ABCA10: variants seen among roughly 807,000 people sequenced by gnomAD.
ABCA10 encodes the protein ATP-binding cassette sub-family A member 10.
In ABCA10, 169 loss-of-function variants were observed where a neutral mutation model predicts 187.5. That is an observed-to-expected ratio of 0.90 (90% CI 0.80 to 1.02). The LOEUF is 1.02. Ranked by LOEUF, ABCA10 falls within the 50% of genes least tolerant of loss-of-function variation. The pLI, the probability that ABCA10 is intolerant of heterozygous loss-of-function variation, is 0.00. For synonymous variants in ABCA10, 574 were observed against 601.8 expected, an observed-to-expected ratio of 0.95 and a Z score of 0.68; for missense variants, 1,727 against 1,812.4, an observed-to-expected ratio of 0.95 and a Z score of 0.86.
chr17:69,152,568 A>C lies in ABCA10; in HGVS notation c.4137-87T>G, dbSNP rs2074138175. The stretch of plus-strand genomic sequence containing the variant: ...AAAAAAGCAGGAAATCTAAAGAGAA[A>C]ATGTTATGTTAGGATGCAAGAAACC... On this transcript the variant is annotated intron_variant, in intron 34 of 38. Coordinates refer to ENST00000690296, the MANE Select transcript of ABCA10 (RefSeq NM_001377321.1). 1.7e-5 allele frequency: 26 copies of C among 1,514,872 alleles called. No individual in the cohort carries two copies. The South Asian group carries it at 2.7e-4, about 16-fold the overall frequency. 93.8% of individuals were successfully genotyped at this position (1,514,872 alleles called of 1,614,324 possible). A position where few individuals can be genotyped will look rare whatever the true frequency, so the allele number is the denominator to read the frequency against.
intron 19 of ABCA10, 85 bp from the exon 20 acceptor site, chr17:69,185,728 T>C: frequency 8.9e-7 from 1 of 1,126,370 alleles, no homozygotes; most frequent in Non-Finnish European, 1.3e-6. Flanking sequence ...AAGTGCTAAC[T>C]ATGGAAAGTC....
At chr17:69,204,234 CCAAA>C (rs572507538) in intron 9 of ABCA10, among the ~76,000 whole-genome samples, 47 of 152,302 alleles carry the variant, frequency 3.1e-4, no homozygotes, top group Middle Eastern at 6.8e-3. Context: ...ACCAGCTCTG[CCAAA>C]CAATTTTTAA....
Position 69,149,981 on chromosome 17 carries a change from T to G in ABCA10, c.4477+3A>C. ...AGTCTTATTTATATATACCCAAACT[T>G]ACTCGCCTCTAACTTGAAAAAGGCC... On this transcript the variant is annotated splice_donor_region_variant and intron_variant, in intron 37 of 38. Coordinates refer to ENST00000690296, the MANE Select transcript of ABCA10 (RefSeq NM_001377321.1). The G allele has an allele frequency of 6.2e-7, 1 of 1,603,806 alleles. No homozygotes were observed. Among genetic ancestry groups the G allele is most frequent in the African/African-American group, 1.3e-5 (1 of 74,730 alleles).
At chr17:69,224,665 G>T (rs2074778900) in intron 3 of ABCA10, among the ~76,000 whole-genome samples, 1 of 140,230 alleles carries the variant, frequency 7.1e-6, no homozygotes, top group Non-Finnish European at 1.5e-5. Flanking sequence ...TCTGAGTCCA[G>T]ATATGCAGAA....
intron 36 of ABCA10, chr17:69,150,375 A>T (rs1411431503): frequency 4.9e-6 from 1 of 204,676 alleles, no homozygotes; most frequent in Non-Finnish European, 9.9e-6. Flanking sequence ...CCTTTCTAGA[A>T]TGTTTACATT....
chr17:69,209,926 T>A (rs2074625436), intron 9 of ABCA10, among the ~76,000 whole-genome samples: 1 of 152,020 alleles, frequency 6.6e-6, no homozygotes, highest in South Asian at 2.1e-4. Flanking sequence ...GGGATTATGA[T>A]CTTCTGTGAC....
chr17:69,158,031 T>C (rs995414292), intron 27 of ABCA10, among the ~76,000 whole-genome samples: 1 of 152,054 alleles, frequency 6.6e-6, no homozygotes, highest in Non-Finnish European at 1.5e-5. Flanking sequence ...AGATTCCAGA[T>C]TCATTCTTGA....
intron 9 of ABCA10, among the ~76,000 whole-genome samples, chr17:69,206,509 A>G (rs550381713): frequency 6.6e-6 from 1 of 152,334 alleles, no homozygotes; most frequent in African/African-American, 2.4e-5. Context: ...CAGAAAGGAC[A>G]GTTTTACAAT....
At chr17:69,211,143 A>C (rs1480528198) in intron 9 of ABCA10, among the ~76,000 whole-genome samples, 1 of 151,016 alleles carries the variant, frequency 6.6e-6, no homozygotes, top group Admixed American at 6.6e-5. Flanking sequence ...CACCCAGAGG[A>C]AAAGAAATCA....
At position 69,152,530 on chromosome 17, in the gene ABCA10, AATAG is replaced by A. The variant is rs760186070; in HGVS notation, c.4137-53_4137-50del. ...TTGCATTTAGAAAGTAATTTGGGGA[AATAG>A]ATAAATAGAAAAAAGCAGGAAATCT... On this transcript the variant is annotated intron_variant, in intron 34 of 38. Transcript: ENST00000690296. 5 of 1,558,578 alleles carry A rather than the reference AATAG, an allele frequency of 3.2e-6. No homozygotes were observed. The South Asian group carries it at 3.7e-5, about 11-fold the overall frequency.
chr17:69,150,591 C>T (rs721813), intron 36 of ABCA10: 83,412 of 152,426 alleles, frequency 0.55, 24,706 homozygotes, highest in Non-Finnish European at 0.67. Flanking sequence ...TACACACCCT[C>T]CTTAAAACAA....
intron 9 of ABCA10, among the ~76,000 whole-genome samples, chr17:69,208,372 G>A (rs1011058882): frequency 1.5e-5 from 2 of 135,622 alleles, no homozygotes; most frequent in Non-Finnish European, 3.0e-5. Flanking sequence ...GACCAAGATC[G>A]CGCCACTGCA....
chr17:69,219,778 T>G lies in ABCA10; in HGVS notation c.304-7A>C. 6.5e-7 allele frequency: 1 copy of G among 1,535,850 alleles called. No individual in the cohort carries two copies. The highest frequency in any genetic ancestry group is 8.8e-7 in the Non-Finnish European group (1 of 1,138,718). On this transcript the variant is annotated splice_region_variant and splice_polypyrimidine_tract_variant and intron_variant, in intron 5 of 38. Coordinates refer to ENST00000690296, the MANE Select transcript of ABCA10 (RefSeq NM_001377321.1). ...CAGAATGATTTGTTGTGACCTAAATTGGGACATTAGCAAATTTATTATGTG... is the reference window on the plus strand; with the variant it reads ...CAGAATGATTTGTTGTGACCTAAATGGGGACATTAGCAAATTTATTATGTG...
intron 23 of ABCA10, 68 bp from the exon 24 acceptor site, chr17:69,174,845 A>T: frequency 7.4e-7 from 1 of 1,352,292 alleles, no homozygotes; most frequent in South Asian, 2.0e-5. Flanking sequence ...TATGTAAAAA[A>T]AATTGTTTAA....
In ABCA10 at chr17:69,190,815, A is replaced by G. The variant is rs532902172; in HGVS notation, c.2012-338T>C. Reference sequence around the variant, plus strand: ...AACTTTTCTATACTAACCATTTTATATATATAATAAAATTATTATAATTTT... The same window carrying G: ...AACTTTTCTATACTAACCATTTTATGTATATAATAAAATTATTATAATTTT... On this transcript the variant is annotated intron_variant, in intron 17 of 38. Transcript: ENST00000690296. 2.3e-3 allele frequency among the ~76,000 whole-genome samples: 355 copies of G among 151,694 alleles called. 1 individual carries two copies. The highest frequency in any genetic ancestry group is 2.5e-3 in the Non-Finnish European group (169 of 67,808).
rs1231949528 is a variant in ABCA10, at chr17:69,191,216, A to G, written c.1971T>C (p.Leu657=). ...AKLTTESEEK[L]VYSLPLEKTN... ...TTTTTTCCAAAGGCAAACTATATAC[A>G]AGTTTTTCTTCACTTTCTGTTGTTA... Residue 657 remains leucine, a synonymous_variant, in exon 17 of 39, where the codon CTT becomes CTC. Transcript: ENST00000690296. 6.2e-7 allele frequency: 1 copy of G among 1,604,012 alleles called. No homozygotes were observed. Among genetic ancestry groups the G allele is most frequent in the Non-Finnish European group, 8.5e-7 (1 of 1,174,590 alleles).
At chr17:69,151,990 G>C in intron 36 of ABCA10, 53 bp downstream of exon 36, 1 of 1,574,348 alleles carries the variant, frequency 6.4e-7, no homozygotes, top group Non-Finnish European at 8.6e-7. Flanking sequence ...ACTAATTGAT[G>C]CTAATACTGG....
At position 69,157,960 on chromosome 17, in the gene ABCA10, T is replaced by A. The variant is rs145897708; in HGVS notation, c.3364-1037A>T. On this transcript the variant is annotated intron_variant, in intron 27 of 38. Coordinates refer to ENST00000690296, the MANE Select transcript of ABCA10 (RefSeq NM_001377321.1). ...AGAATATAAAATAAAATTTATTAAT[T>A]TTTAATGGTTTTATTTAAAATAAAT... Among the ~76,000 whole-genome samples, 328 of 152,068 alleles carry A rather than the reference T, an allele frequency of 2.2e-3. 3 individuals carry two copies. Among genetic ancestry groups the A allele is most frequent in the South Asian group, 4.6e-3 (22 of 4,824 alleles).
chr17:69,152,220 T>C, intron 35 of ABCA10, 37 bp from the exon 36 acceptor site: 1 of 1,588,438 alleles, frequency 6.3e-7, no homozygotes, highest in South Asian at 1.2e-5. Context: ...TACTTGTCTC[T>C]TAATTTCTTC....
Sources: gnomAD v4.1 joint callset for allele counts (sites outside exome capture counted in the v4.1 genomes callset) on GRCh38, gnomAD v4.1.1 for gene constraint, MANE v1.5 for transcripts, NCBI Gene and HGNC (gene_info 2026-07-23, HGNC 2026-07-21) for gene names.